PHLPP1: variants seen among roughly 807,000 people sequenced by gnomAD.
The protein encoded by PHLPP1 is PH domain and leucine rich repeat protein phosphatase 1.
PHLPP1 carries 42 observed loss-of-function variants against 117.2 expected under a neutral mutation model. That is an observed-to-expected ratio of 0.36 (90% confidence interval 0.28 to 0.46). The LOEUF (loss-of-function observed/expected upper bound fraction) is 0.46, where lower values mean the gene tolerates loss of function less well. Ranked by LOEUF, PHLPP1 falls within the 20% of genes least tolerant of loss-of-function variation. The pLI, the probability that PHLPP1 is intolerant of heterozygous loss-of-function variation, is 1.00. For missense variants in PHLPP1, 2,084 were observed against 2,241.9 expected (o/e 0.93, Z 1.42); for synonymous variants, 1,042 against 970.7 (o/e 1.07, Z -1.37).
chr18:62,808,557 GT>G (rs553137209), intron 1 of PHLPP1, among the ~76,000 whole-genome samples: 21 of 135,512 alleles, frequency 1.5e-4, no homozygotes, highest in Middle Eastern at 3.9e-3. Flanking sequence ...GTTTTTTTTT[GT>G]TTTTTTTTTT....
Position 62,733,749 on chromosome 18 carries a change from A to G in PHLPP1, c.1576+16490A>G, listed in dbSNP as rs144238876. Among the ~76,000 whole-genome samples, 999 of 152,302 alleles carry G rather than the reference A, an allele frequency of 6.6e-3. 17 individuals are homozygous for G. Among genetic ancestry groups the G allele is most frequent in the African/African-American group, 0.023 (954 of 41,560 alleles). On this transcript the variant is annotated intron_variant, in intron 1 of 16. Coordinates refer to ENST00000262719, the MANE Select transcript of PHLPP1 (RefSeq NM_194449.4). ...GGTTACTGTAGTAGCAGGAATGGGG[A>G]GAGAGAGCCTCCAAACTCCACTGTG...
intron 1 of PHLPP1, among the ~76,000 whole-genome samples, chr18:62,776,855 G>GC (rs1394426979): frequency 1.3e-5 from 2 of 152,128 alleles, no homozygotes; most frequent in Non-Finnish European, 2.9e-5. Flanking sequence ...TGATCCACCT[G>GC]CCTCCGCCTC....
intron 1 of PHLPP1, among the ~76,000 whole-genome samples, chr18:62,788,409 G>A (rs1874255850): frequency 6.6e-6 from 1 of 152,176 alleles, no homozygotes; most frequent in African/African-American, 2.4e-5. Context: ...CCAGGGACAA[G>A]TTAGAAATCA....
chr18:62,896,482 C>G (rs1180106129), intron 6 of PHLPP1, among the ~76,000 whole-genome samples: 1 of 151,670 alleles, frequency 6.6e-6, no homozygotes, highest in Non-Finnish European at 1.5e-5. Flanking sequence ...TTAGTAGAGA[C>G]GAAGTTTCAC....
At chr18:62,966,081 A>G (rs951234640) in intron 14 of PHLPP1, among the ~76,000 whole-genome samples, 5 of 152,130 alleles carry the variant, frequency 3.3e-5, no homozygotes, top group African/African-American at 9.7e-5. Context: ...CCTGGGTTCT[A>G]TACTTTCTTG....
intron 1 of PHLPP1, among the ~76,000 whole-genome samples, chr18:62,772,596 G>A (rs900867263): frequency 2.0e-5 from 3 of 151,982 alleles, no homozygotes; most frequent in African/African-American, 4.8e-5. Context: ...TGGGGAGGCC[G>A]ATGTGGGTGG....
chr18:62,799,167 A>C (rs1002714434), intron 1 of PHLPP1, among the ~76,000 whole-genome samples: 2 of 152,202 alleles, frequency 1.3e-5, no homozygotes, highest in African/African-American at 2.4e-5. Flanking sequence ...AAGAGGAAGA[A>C]AAGAACCAGA....
At chr18:62,807,762 T>A (rs1003845614) in intron 1 of PHLPP1, among the ~76,000 whole-genome samples, 1 of 151,936 alleles carries the variant, frequency 6.6e-6, no homozygotes, top group Non-Finnish European at 1.5e-5. Context: ...TAGAAAAAAA[T>A]AATAGTAAAA....
In PHLPP1 at chr18:62,877,192, G is replaced by A. The variant is rs1316911941; in HGVS notation, c.2066+16591G>A. ...CTCTTTTGGGGATGTTGGCATTCCA[G>A]ATGTAAAGTGATTAATGTTAATTAC... On this transcript the variant is annotated intron_variant, in intron 4 of 16. Transcript: ENST00000262719. Among the ~76,000 whole-genome samples, 3 of 152,136 alleles carry A rather than the reference G, an allele frequency of 2.0e-5. No individual in the cohort carries two copies. In the East Asian group the frequency reaches 5.8e-4, roughly 29 times the overall value.
chr18:62,780,456 T>A (rs1389639666), intron 1 of PHLPP1, among the ~76,000 whole-genome samples: 2 of 152,244 alleles, frequency 1.3e-5, no homozygotes, highest in Non-Finnish European at 2.9e-5. Context: ...CTTGGCCTCA[T>A]GTGTCCTACT....
At chr18:62,797,548 T>C (rs1913660742) in intron 1 of PHLPP1, among the ~76,000 whole-genome samples, 1 of 152,116 alleles carries the variant, frequency 6.6e-6, no homozygotes, top group Non-Finnish European at 1.5e-5. Context: ...AGATGGACGG[T>C]CAGGGCAGGC....
chr18:62,951,227 C>T (rs558550623), intron 12 of PHLPP1, among the ~76,000 whole-genome samples: 40 of 152,218 alleles, frequency 2.6e-4, no homozygotes, highest in Non-Finnish European at 3.8e-4. Flanking sequence ...GTGATCCGCC[C>T]GCCTCGTCCT....
intron 10 of PHLPP1, among the ~76,000 whole-genome samples, chr18:62,937,998 ACT>A (rs1599131127): frequency 7.9e-5 from 12 of 152,078 alleles, no homozygotes; most frequent in Admixed American, 7.2e-4. Flanking sequence ...ACAGAGCAAG[ACT>A]CTGTCAAAAA....
At chr18:62,851,606 G>C (rs569174795) in intron 3 of PHLPP1, among the ~76,000 whole-genome samples, 1 of 152,176 alleles carries the variant, frequency 6.6e-6, no homozygotes, top group Non-Finnish European at 1.5e-5. Context: ...GATTACAGGT[G>C]TGCGCCACCA....
intron 4 of PHLPP1, among the ~76,000 whole-genome samples, chr18:62,862,037 T>C (rs1314973004): frequency 6.6e-6 from 1 of 152,228 alleles, no homozygotes; most frequent in Non-Finnish European, 1.5e-5. Flanking sequence ...TATTTTATTA[T>C]GGAATTTTAA....
intron 1 of PHLPP1, 39 bp from the exon 2 acceptor site, chr18:62,829,996 A>G: frequency 2.0e-6 from 3 of 1,523,122 alleles, no homozygotes; most frequent in Non-Finnish European, 2.7e-6. Context: ...AAAAGGGTCC[A>G]TTTTAAAAGA....
At chr18:62,844,213 T>G (rs1019355171) in intron 3 of PHLPP1, among the ~76,000 whole-genome samples, 5 of 152,102 alleles carry the variant, frequency 3.3e-5, no homozygotes, top group African/African-American at 1.2e-4. Context: ...GGTGGGTGTC[T>G]GTAATCCCAG....
At chr18:62,961,697 G>A (rs1319153406) in intron 13 of PHLPP1, among the ~76,000 whole-genome samples, 1 of 151,746 alleles carries the variant, frequency 6.6e-6, no homozygotes, top group East Asian at 1.9e-4. Flanking sequence ...TTTTGTTAAT[G>A]CCTCTTTTAT....
At chr18:62,939,457 A>G (rs552818152) in intron 10 of PHLPP1, among the ~76,000 whole-genome samples, 1 of 152,230 alleles carries the variant, frequency 6.6e-6, no homozygotes, top group Admixed American at 6.5e-5. Flanking sequence ...ATCTAAAGAA[A>G]CAGACTCATA....
Sources: gnomAD v4.1 joint callset for allele counts (sites outside exome capture counted in the v4.1 genomes callset) on GRCh38, gnomAD v4.1.1 for gene constraint, MANE v1.5 for transcripts, NCBI Gene and HGNC (gene_info 2026-07-23, HGNC 2026-07-21) for gene names.